Variants in ART3 observed in about 807,000 individuals in gnomAD.
The protein encoded by ART3 is ADP-ribosyltransferase 3 (inactive), also known as ecto-ADP-ribosyltransferase 3.
Under a neutral mutation model 48.5 loss-of-function variants are expected in ART3, and 49 were observed. That is an observed-to-expected ratio of 1.01 (90% CI 0.80 to 1.28). The LOEUF (loss-of-function observed/expected upper bound fraction) is 1.28, where lower values mean the gene tolerates loss of function less well. Among genes scored for constraint, ART3 ranks in the 50% most tolerant of loss-of-function variants. The probability of loss-of-function intolerance (pLI) is 0.00; values close to 1 mark genes in which losing one functional copy is unlikely to be tolerated. For missense variants in ART3, 438 were observed against 454.3 expected (o/e 0.96, Z 0.33); for synonymous variants, 145 against 157.2 (o/e 0.92, Z 0.58).
At chr4:76,098,635 T>A (rs1432139445) in intron 4 of ART3, among the ~76,000 whole-genome samples, 1 of 152,104 alleles carries the variant, frequency 6.6e-6, no homozygotes, top group Non-Finnish European at 1.5e-5. Flanking sequence ...GGCAGGCGCC[T>A]GTAATCCTAG....
At chr4:76,100,373 C>G in intron 6 of ART3, 53 bp downstream of exon 6, 1 of 1,567,254 alleles carries the variant, frequency 6.4e-7, no homozygotes, top group Non-Finnish European at 8.7e-7. Flanking sequence ...TGGCTTATGC[C>G]TGTAATCCCA....
chr4:76,095,782 C>T (rs1404120428), intron 3 of ART3, among the ~76,000 whole-genome samples: 1 of 152,172 alleles, frequency 6.6e-6, no homozygotes, highest in African/African-American at 2.4e-5. Context: ...CTTTTAAAAT[C>T]CCCCTGGTGC....
At chr4:76,068,157 T>A (rs1424776453) in intron 1 of ART3, among the ~76,000 whole-genome samples, 3 of 152,224 alleles carry the variant, frequency 2.0e-5, no homozygotes, top group Non-Finnish European at 2.9e-5. Flanking sequence ...TGTTAAAATT[T>A]GCCTTATTTA....
chr4:76,103,077 C>G (rs1727689294), intron 8 of ART3, among the ~76,000 whole-genome samples: 2 of 151,978 alleles, frequency 1.3e-5, no homozygotes, highest in African/African-American at 4.8e-5. Context: ...AATTAATTTT[C>G]AAGCTGATGG....
intron 1 of ART3, among the ~76,000 whole-genome samples, chr4:76,011,648 A>T (rs1042178230): frequency 2.0e-5 from 3 of 152,210 alleles, no homozygotes; most frequent in African/African-American, 7.2e-5. Context: ...TTACCCAAAA[A>T]GGGGCTAATT....
At chr4:76,069,377 A>G (rs1720073899) in intron 1 of ART3, among the ~76,000 whole-genome samples, 1 of 135,874 alleles carries the variant, frequency 7.4e-6, no homozygotes, top group Non-Finnish European at 1.5e-5. Flanking sequence ...ATGTATCAGT[A>G]CTTAATTCCT....
chr4:76,073,162 A>G (rs1295978546), upstream of ART3, among the ~76,000 whole-genome samples: 1 of 152,252 alleles, frequency 6.6e-6, no homozygotes, highest in Non-Finnish European at 1.5e-5. Flanking sequence ...TCTAGTACCT[A>G]AAACAGTTCC....
intron 1 of ART3, among the ~76,000 whole-genome samples, chr4:76,060,536 A>G (rs981170900): frequency 6.6e-6 from 1 of 152,188 alleles, no homozygotes; most frequent in African/African-American, 2.4e-5. Context: ...CAGAATAATT[A>G]TTCCCCAAAG....
chr4:76,073,995 A>G (rs74620719), upstream of ART3, among the ~76,000 whole-genome samples: 1,705 of 152,278 alleles, frequency 0.011, 33 homozygotes, highest in African/African-American at 0.039. Context: ...TCAACATTCT[A>G]TTAATGTATT....
rs563888034 is a variant in ART3, at chr4:76,098,740, A to G, written c.815-215A>G. 2.6e-5 allele frequency among the ~76,000 whole-genome samples: 4 copies of G among 152,316 alleles called. No individual in the cohort carries two copies. In the East Asian group the frequency reaches 5.8e-4, roughly 22 times the overall value. ...GTGCCACTGCACTCCAGCCTGGGCG[A>G]CAAAGCAAGACTCTTGTCTCAAAAA... On this transcript the variant is annotated intron_variant, in intron 4 of 11. Transcript: ENST00000355810.
intron 5 of ART3, chr4:76,099,691 C>T (rs962945517): frequency 1.3e-5 from 2 of 153,348 alleles, no homozygotes; most frequent in Non-Finnish European, 2.9e-5. Flanking sequence ...TTGATGTTTA[C>T]TATGATTTAA....
intron 1 of ART3, among the ~76,000 whole-genome samples, chr4:76,020,898 AT>A (rs1252301126): frequency 6.6e-6 from 1 of 152,066 alleles, no homozygotes; most frequent in African/African-American, 2.4e-5. Flanking sequence ...GGCTATAGGG[AT>A]TTGGAGATTA....
At chr4:76,024,303 G>A (rs986072314) in intron 1 of ART3, among the ~76,000 whole-genome samples, 1 of 152,050 alleles carries the variant, frequency 6.6e-6, no homozygotes, top group Admixed American at 6.6e-5. Flanking sequence ...AAGCGGGGGG[G>A]CACGCATAGA....
intron 3 of ART3, among the ~76,000 whole-genome samples, chr4:76,094,683 A>T (rs1312152941): frequency 6.6e-6 from 1 of 152,180 alleles, no homozygotes; most frequent in African/African-American, 2.4e-5. Context: ...GTTGATGGGA[A>T]TAGACACTAT....
rs145264265 is a variant in ART3 at position 76,059,993 on chromosome 4, T to G, written c.-9-15888T>G. Among the ~76,000 whole-genome samples the G allele has an allele frequency of 7.9e-3, 1,200 of 152,280 alleles. 7 individuals are homozygous for G. The highest frequency in any genetic ancestry group is 0.024 in the Middle Eastern group (7 of 294). ...ATCAGAACCTACTTTCCTATAGATGTCAAATGGTAAGGGTGATTGTTCAGT... is the reference window on the plus strand; with the variant it reads ...ATCAGAACCTACTTTCCTATAGATGGCAAATGGTAAGGGTGATTGTTCAGT... On this transcript the variant is annotated intron_variant, in intron 1 of 9. Transcript: ENST00000341029.
chr4:76,069,482 C>A (rs989841391), intron 1 of ART3, among the ~76,000 whole-genome samples: 1 of 149,576 alleles, frequency 6.7e-6, no homozygotes. Flanking sequence ...CTTCACCTTC[C>A]GGGTTCAAGC....
chr4:76,023,735 T>C (rs951840690), intron 1 of ART3, among the ~76,000 whole-genome samples: 8 of 152,100 alleles, frequency 5.3e-5, no homozygotes, highest in African/African-American at 1.9e-4. Context: ...ATGAACTGTT[T>C]CTTGAAAAAA....
chr4:76,098,962 TC>T lies in ART3; in HGVS notation c.823del (p.Gln275AsnfsTer40). 3 of 1,608,784 alleles carry T rather than the reference TC, an allele frequency of 1.9e-6. No individual in the cohort carries two copies. The Admixed American group carries it at 5.0e-5, about 27-fold the overall frequency. ...ENCIENLEYF[Q>X]PIYVYNPGEK... is the part of the protein sequence containing the mutation. ...AACATGTCTGTATTTCAGAATATTT[TC>T]AACCCATCTATGTCTACAACCCTGG... On this transcript the variant is annotated frameshift_variant, in exon 5 of 12. Transcript: ENST00000355810. LOFTEE classifies it high-confidence loss of function.
intron 1 of ART3, chr4:76,034,259 G>C (rs1734136010): frequency 2.5e-6 from 1 of 394,236 alleles, no homozygotes; most frequent in Non-Finnish European, 4.5e-6. Flanking sequence ...AATGTTTTAC[G>C]ACACATAGAT....
Sources: allele counts gnomAD v4.1 joint callset (sites outside exome capture counted in the v4.1 genomes callset), GRCh38; gene constraint gnomAD v4.1.1; transcripts MANE v1.5; gene names NCBI Gene and HGNC (gene_info 2026-07-23, HGNC 2026-07-21).